MEOX2: variants seen among roughly 807,000 people sequenced by gnomAD.
The protein encoded by MEOX2 is homeobox protein MOX-2.
Under a neutral mutation model 27.0 loss-of-function variants are expected in MEOX2, and 11 were observed. The observed-to-expected ratio is 0.41, with a 90% CI of 0.26 to 0.68. The LOEUF (loss-of-function observed/expected upper bound fraction) is 0.68. MEOX2 is among the 30% of genes least tolerant of loss of function. MEOX2 has a pLI of 0.33. For synonymous variants in MEOX2, 189 were observed against 155.4 expected, an observed-to-expected ratio of 1.22 and a Z score of -1.61; for missense variants, 436 against 385.4, an observed-to-expected ratio of 1.13 and a Z score of -1.10.
chr7:15,629,263 C>A (rs1362866979), intron 1 of MEOX2, among the ~76,000 whole-genome samples: 1 of 151,966 alleles, frequency 6.6e-6, no homozygotes, highest in Non-Finnish European at 1.5e-5. Context: ...AACAAAAACA[C>A]AAAACATGGG....
chr7:15,644,569 T>C (rs1308904387), intron 1 of MEOX2, among the ~76,000 whole-genome samples: 3 of 152,148 alleles, frequency 2.0e-5, no homozygotes, highest in Non-Finnish European at 4.4e-5. Context: ...GCACAGCCTT[T>C]CCTGAGATGT....
intron 2 of MEOX2, among the ~76,000 whole-genome samples, chr7:15,620,090 A>G (rs1371501057): frequency 6.6e-6 from 1 of 152,048 alleles, no homozygotes; most frequent in Non-Finnish European, 1.5e-5. Flanking sequence ...ATGTCTCTTT[A>G]TATTTAATAT....
chr7:15,671,227 A>G (rs572861327), intron 1 of MEOX2, among the ~76,000 whole-genome samples: 40 of 152,336 alleles, frequency 2.6e-4, no homozygotes, highest in South Asian at 1.2e-3. Context: ...ATGTAACATC[A>G]GTGTTGAGAA....
At chr7:15,651,101 C>T (rs986958382) in intron 1 of MEOX2, among the ~76,000 whole-genome samples, 4 of 151,950 alleles carry the variant, frequency 2.6e-5, no homozygotes, top group South Asian at 2.1e-4. Context: ...CCTCGATTTT[C>T]ATACTGAGTA....
chr7:15,653,636 C>T (rs1781774930), intron 1 of MEOX2, among the ~76,000 whole-genome samples: 1 of 151,840 alleles, frequency 6.6e-6, no homozygotes, highest in Admixed American at 6.6e-5. Flanking sequence ...TCCATCATTC[C>T]TTTTGATTTA....
intron 1 of MEOX2, among the ~76,000 whole-genome samples, chr7:15,665,383 T>C (rs1488370496): frequency 1.3e-5 from 2 of 152,204 alleles, no homozygotes; most frequent in African/African-American, 4.8e-5. Context: ...ATTTCAGGAA[T>C]TCAAGTAAGA....
intron 1 of MEOX2, among the ~76,000 whole-genome samples, chr7:15,663,778 G>A (rs1192055628): frequency 6.6e-6 from 1 of 152,148 alleles, no homozygotes; most frequent in Admixed American, 6.5e-5. Flanking sequence ...GAGAGAGATG[G>A]GCATAAGGCT....
At chr7:15,623,319 A>G (rs1408114241) in intron 2 of MEOX2, among the ~76,000 whole-genome samples, 1 of 152,210 alleles carries the variant, frequency 6.6e-6, no homozygotes, top group Non-Finnish European at 1.5e-5. Flanking sequence ...TCAGCACAGT[A>G]AAATTCAGCC....
rs1192945774 is a variant in MEOX2 at position 15,686,103 on chromosome 7, T to C, written c.300A>G (p.Pro100=). 6.3e-7 allele frequency: 1 copy of C among 1,584,352 alleles called. No homozygotes were observed. Among genetic ancestry groups the C allele is most frequent in the Admixed American group, 1.8e-5 (1 of 55,050 alleles). Residue 100 remains proline (P), a synonymous_variant, in exon 1 of 3, where the codon CCA becomes CCG. Coordinates refer to ENST00000262041, the MANE Select transcript of MEOX2 (RefSeq NM_005924.5). The part of the protein sequence containing the change: ...TNWHLPQMSS[P]PSAARHSLCL... ...AGAGGCTGTGCCGAGCCGCACTCGG[T>C]GGGGAAGACATCTGCGGGAGGTGCC...
chr7:15,683,106 A>G (rs1782318920), intron 1 of MEOX2, among the ~76,000 whole-genome samples: 1 of 152,004 alleles, frequency 6.6e-6, no homozygotes, highest in Non-Finnish European at 1.5e-5. Flanking sequence ...AAGCTTACGT[A>G]TTATAGTTTT....
intron 1 of MEOX2, among the ~76,000 whole-genome samples, chr7:15,682,479 A>G (rs1782309047): frequency 6.6e-6 from 1 of 151,896 alleles, no homozygotes; most frequent in South Asian, 2.1e-4. Context: ...AATATTTGTA[A>G]TTTTACAAGA....
chr7:15,645,992 A>C (rs1345787581), intron 1 of MEOX2, among the ~76,000 whole-genome samples: 1 of 152,140 alleles, frequency 6.6e-6, no homozygotes, highest in Non-Finnish European at 1.5e-5. Flanking sequence ...CTAATACTCA[A>C]AATTAAGAAG....
At chr7:15,674,922 T>A (rs926459046) in intron 1 of MEOX2, among the ~76,000 whole-genome samples, 1 of 152,166 alleles carries the variant, frequency 6.6e-6, no homozygotes, top group African/African-American at 2.4e-5. Context: ...TTAAATTTTT[T>A]AAAATCAATG....
chr7:15,651,766 A>C (rs184483749), intron 1 of MEOX2, among the ~76,000 whole-genome samples: 1 of 151,602 alleles, frequency 6.6e-6, no homozygotes, highest in Admixed American at 6.6e-5. Flanking sequence ...AAAAAAAGGA[A>C]AAATAAGGAG....
chr7:15,671,066 G>A (rs557847287), intron 1 of MEOX2, among the ~76,000 whole-genome samples: 2 of 152,022 alleles, frequency 1.3e-5, no homozygotes, highest in Non-Finnish European at 2.9e-5. Context: ...GAACATAATG[G>A]ACACAGGGAA....
intron 1 of MEOX2, among the ~76,000 whole-genome samples, chr7:15,656,462 T>C (rs1217801374): frequency 1.3e-5 from 2 of 151,696 alleles, no homozygotes; most frequent in Non-Finnish European, 3.0e-5. Flanking sequence ...GCCATTCCCT[T>C]GGTTAAACAT....
chr7:15,658,579 G>C (rs1432776239), intron 1 of MEOX2, among the ~76,000 whole-genome samples: 1 of 152,126 alleles, frequency 6.6e-6, no homozygotes, highest in Non-Finnish European at 1.5e-5. Context: ...AGCTGTTATG[G>C]ACCAAAAGTT....
At chr7:15,616,699 C>A (rs942440521) in intron 2 of MEOX2, among the ~76,000 whole-genome samples, 1 of 151,786 alleles carries the variant, frequency 6.6e-6, no homozygotes, top group African/African-American at 2.4e-5. Flanking sequence ...AATTTATAAG[C>A]ACATTTTATA....
intron 2 of MEOX2, among the ~76,000 whole-genome samples, chr7:15,616,370 G>T (rs1264217417): frequency 1.3e-5 from 2 of 151,520 alleles, no homozygotes; most frequent in East Asian, 1.9e-4. Context: ...TAAAATATTG[G>T]AGTGAATTAA....
Sources: gnomAD v4.1 joint callset for allele counts (sites outside exome capture counted in the v4.1 genomes callset) on GRCh38, gnomAD v4.1.1 for gene constraint, MANE v1.5 for transcripts, NCBI Gene and HGNC (gene_info 2026-07-23, HGNC 2026-07-21) for gene names.